ONECUT3: variants seen among roughly 807,000 people sequenced by gnomAD.
ONECUT3 encodes one cut homeobox 3.
Under a neutral mutation model 16.8 loss-of-function variants are expected in ONECUT3, and 11 were observed. The observed-to-expected ratio is 0.66, with a 90% CI of 0.41 to 1.09. The LOEUF (loss-of-function observed/expected upper bound fraction) is 1.09. Ranked by LOEUF, ONECUT3 falls within the 50% of genes least tolerant of loss-of-function variation. The pLI, the probability that ONECUT3 is intolerant of heterozygous loss-of-function variation, is 0.00. For missense variants in ONECUT3, 637 were observed against 629.9 expected, an observed-to-expected ratio of 1.01 and a Z score of -0.12; for synonymous variants, 344 against 310.7, an observed-to-expected ratio of 1.11 and a Z score of -1.13.
chr19:1,778,866 T>TCA lies in ONECUT3; in HGVS notation c.*3467_*3468dup, dbSNP rs60843841. 7,624 of 132,354 alleles carry TCA rather than the reference T, an allele frequency of 0.058. 257 individuals carry two copies. The highest frequency in any genetic ancestry group is 0.095 in the Middle Eastern group (25 of 264). 8.2% of individuals were successfully genotyped at this position (132,354 alleles called of 1,614,324 possible). On this transcript the variant is annotated 3_prime_UTR_variant, in exon 2 of 2. Coordinates refer to ENST00000382349, the MANE Select transcript of ONECUT3 (RefSeq NM_001080488.2). ...TGGATCCTTTTCAGATATCTTCGTATCACACACACACACACACACACACAC... is the reference window on the plus strand; with the variant it reads ...TGGATCCTTTTCAGATATCTTCGTATCACACACACACACACACACACACACAC...
intron 1 of ONECUT3, among the ~76,000 whole-genome samples, chr19:1,765,136 G>A (rs542096015): frequency 3.3e-5 from 5 of 152,224 alleles, no homozygotes; most frequent in South Asian, 2.1e-4. Flanking sequence ...ATCCTGGGGC[G>A]TCTTCTTCTC....
rs1207338003 is a variant in ONECUT3, at chr19:1,775,382, T to C, written c.1422T>C (p.Ala474=). The C allele has an allele frequency of 1.3e-6, 2 of 1,508,362 alleles. No homozygotes were observed. The highest frequency in any genetic ancestry group is 8.9e-7 in the Non-Finnish European group (1 of 1,125,600). 93.4% of individuals were successfully genotyped at this position (1,508,362 alleles called of 1,614,324 possible). Residue 474 remains alanine, a synonymous_variant, in exon 2 of 2, where the codon GCT becomes GCC. Coordinates refer to ENST00000382349, the MANE Select transcript of ONECUT3 (RefSeq NM_001080488.2). ...NARRRCMNRW[A]EEPSTAPGGP... ...GGCGCCGCTGCATGAACCGCTGGGC[T>C]GAGGAGCCCAGCACGGCCCCCGGGG...
rs2067951153 is a variant in ONECUT3, at chr19:1,762,442, A to G, written c.1192+7588A>G. On this transcript the variant is annotated intron_variant, in intron 1 of 1. Coordinates refer to ENST00000382349, the MANE Select transcript of ONECUT3 (RefSeq NM_001080488.2). The surrounding 1 kb of genome is among the most constrained non-coding windows in gnomAD (Gnocchi z 4.4). ...ATTTCCAAGCGCCCTTTCCCGTCCAAGGACCTGCTGGGGGGATGACTGTGC... is the reference window on the plus strand; with the variant it reads ...ATTTCCAAGCGCCCTTTCCCGTCCAGGGACCTGCTGGGGGGATGACTGTGC... Among the ~76,000 whole-genome samples, 1 of 152,240 alleles carries G rather than the reference A, an allele frequency of 6.6e-6. No homozygotes were observed. Among genetic ancestry groups the G allele is most frequent in the African/African-American group, 2.4e-5 (1 of 41,456 alleles).
At position 1,764,904 on chromosome 19, in the gene ONECUT3, G is replaced by A. The variant is rs914149025; in HGVS notation, c.1192+10050G>A. On this transcript the variant is annotated intron_variant, in intron 1 of 1. Coordinates refer to ENST00000382349, the MANE Select transcript of ONECUT3 (RefSeq NM_001080488.2). This position sits in a 1 kb window ranked among gnomAD's most constrained non-coding sequence, Gnocchi z 5.0. ...GCTGGTGGCGGGGACAGGACGCGTCGCCAAGGAAACCGGTCATCATCCCAG... is the reference window on the plus strand; with the variant it reads ...GCTGGTGGCGGGGACAGGACGCGTCACCAAGGAAACCGGTCATCATCCCAG... Among the ~76,000 whole-genome samples the A allele has an allele frequency of 4.3e-4, 65 of 152,012 alleles. No individual in the cohort carries two copies. The highest frequency in any genetic ancestry group is 7.1e-4 in the Non-Finnish European group (48 of 67,974).
intron 1 of ONECUT3, among the ~76,000 whole-genome samples, chr19:1,757,916 CG>C (rs920975171): frequency 5.3e-5 from 8 of 152,222 alleles, no homozygotes; most frequent in South Asian, 2.1e-4. Context: ...GAGGACTCGC[CG>C]CCCTTTCTAC....
At chr19:1,769,504 TCA>T (rs1401755953) in intron 1 of ONECUT3, among the ~76,000 whole-genome samples, 1 of 152,034 alleles carries the variant, frequency 6.6e-6, no homozygotes, top group Non-Finnish European at 1.5e-5. Flanking sequence ...TCTCCAAGTC[TCA>T]GTTTTCACTT....
In ONECUT3 at chr19:1,759,500, G is replaced by A. The variant is rs2145958362; in HGVS notation, c.1192+4646G>A. On this transcript the variant is annotated intron_variant, in intron 1 of 1. Coordinates refer to ENST00000382349, the MANE Select transcript of ONECUT3 (RefSeq NM_001080488.2). The surrounding 1 kb of genome is among the most constrained non-coding windows in gnomAD (Gnocchi z 4.1). ...CAGGGAGAGGAGGAGGAGGAGGAGA[G>A]GGAAGGGAGGGAAGGAAGGGGAGAG... is the stretch of plus-strand genomic sequence containing the variant. 6.6e-6 allele frequency among the ~76,000 whole-genome samples: 1 copy of A among 152,068 alleles called. No individual in the cohort carries two copies. Among genetic ancestry groups the A allele is most frequent in the Non-Finnish European group, 1.5e-5 (1 of 67,974 alleles).
At chr19:1,767,553 C>T (rs1196694293) in intron 1 of ONECUT3, among the ~76,000 whole-genome samples, 1 of 152,196 alleles carries the variant, frequency 6.6e-6, no homozygotes, top group Non-Finnish European at 1.5e-5. Context: ...CAGTCCAGCC[C>T]CCTTTCCCCC....
rs1441314040 is a variant in ONECUT3, at chr19:1,762,426, C to A, written c.1192+7572C>A. ...CAGCAGGGGTCCACGCATTTCCAAGCGCCCTTTCCCGTCCAAGGACCTGCT... is the reference window on the plus strand; with the variant it reads ...CAGCAGGGGTCCACGCATTTCCAAGAGCCCTTTCCCGTCCAAGGACCTGCT... On this transcript the variant is annotated intron_variant, in intron 1 of 1. Coordinates refer to ENST00000382349, the MANE Select transcript of ONECUT3 (RefSeq NM_001080488.2). The surrounding 1 kb of genome is among the most constrained non-coding windows in gnomAD (Gnocchi z 4.4). 1.3e-5 allele frequency among the ~76,000 whole-genome samples: 2 copies of A among 152,246 alleles called. No homozygotes were observed. Among genetic ancestry groups the A allele is most frequent in the African/African-American group, 4.8e-5 (2 of 41,460 alleles).
At position 1,780,679 on chromosome 19, in the gene ONECUT3, G is replaced by A. The variant is rs1465454019; in HGVS notation, c.*5234G>A. 6.6e-6 allele frequency: 1 copy of A among 152,222 alleles called. No individual in the cohort carries two copies. Among genetic ancestry groups the A allele is most frequent in the East Asian group, 1.9e-4 (1 of 5,190 alleles). The allele number at this position is 152,222 out of a possible 1,614,324, so 9.4% of individuals were successfully genotyped here. On this transcript the variant is annotated 3_prime_UTR_variant, in exon 2 of 2. Coordinates refer to ENST00000382349, the MANE Select transcript of ONECUT3 (RefSeq NM_001080488.2). The stretch of plus-strand genomic sequence containing the variant: ...GCTCCTTGCACCAGCAGGAGCTTGG[G>A]CCATTTCACATTCTCTGCCCCAAGC...
At chr19:1,769,035 TG>T in intron 1 of ONECUT3, among the ~76,000 whole-genome samples, 1 of 29,594 alleles carries the variant, frequency 3.4e-5, no homozygotes. Flanking sequence ...GAGGTGGAGG[TG>T]ACGGTGGAGG....
rs1044580096 is a variant in ONECUT3 at position 1,777,673 on chromosome 19, G to A, written c.*2228G>A. On this transcript the variant is annotated 3_prime_UTR_variant, in exon 2 of 2. Transcript: ENST00000382349. ...GTAGCCTATGGGCCCAGCAGGTCCA[G>A]GGCCCACGTTTTAATTTCTTTTTAA... 6.6e-6 allele frequency: 1 copy of A among 152,178 alleles called. No individual in the cohort carries two copies. The highest frequency in any genetic ancestry group is 6.5e-5 in the Admixed American group (1 of 15,284). 9.4% of individuals were successfully genotyped at this position (152,178 alleles called of 1,614,324 possible).
chr19:1,770,804 G>C (rs1340452614), intron 1 of ONECUT3, among the ~76,000 whole-genome samples: 1 of 152,172 alleles, frequency 6.6e-6, no homozygotes, highest in Non-Finnish European at 1.5e-5. Flanking sequence ...TCTTTATGCA[G>C]ATAAAATATA....
In ONECUT3 at chr19:1,779,648, TG is replaced by T. The variant is rs2068140181; in HGVS notation, c.*4204del. ...GGTGCATGACTAATGTACTCTTTCT[TG>T]ACGCTAATTGTAATAAAGTGGTCAG... On this transcript the variant is annotated 3_prime_UTR_variant, in exon 2 of 2. Transcript: ENST00000382349. 1 of 134,090 alleles carries T rather than the reference TG, an allele frequency of 7.5e-6. No individual in the cohort carries two copies. Among genetic ancestry groups the T allele is most frequent in the South Asian group, 2.6e-4 (1 of 3,912 alleles). 8.3% of individuals were successfully genotyped at this position (134,090 alleles called of 1,614,324 possible).
At position 1,778,910 on chromosome 19, in the gene ONECUT3, A is replaced by ACACACACACACACACACACC. The variant is rs1568606224; in HGVS notation, c.*3468_*3469insACACACACACACACACCCAC. 1 of 127,286 alleles carries ACACACACACACACACACACC rather than the reference A, an allele frequency of 7.9e-6. No individual in the cohort carries two copies. The highest frequency in any genetic ancestry group is 3.1e-5 in the African/African-American group (1 of 32,600). The allele number at this position is 127,286 out of a possible 1,614,324, so 7.9% of individuals were successfully genotyped here. On this transcript the variant is annotated 3_prime_UTR_variant, in exon 2 of 2. Coordinates refer to ENST00000382349, the MANE Select transcript of ONECUT3 (RefSeq NM_001080488.2). ...CACACACACACACACACACACACACACACCCCTACCTGTTTCCGGACCCCA... is the reference window on the plus strand; with the variant it reads ...CACACACACACACACACACACACACACACACACACACACACACACCCACCCCTACCTGTTTCCGGACCCCA...
Position 1,775,201 on chromosome 19 carries a change from C to G in ONECUT3, c.1241C>G (p.Pro414Arg), listed in dbSNP as rs1161326055. The G allele has an allele frequency of 1.3e-6, 2 of 1,556,348 alleles. No individual in the cohort carries two copies. Among genetic ancestry groups the G allele is most frequent in the East Asian group, 2.5e-5 (1 of 40,478 alleles). Reference protein sequence around the residue: ...QEQQKERALQPKKQRLVFTDL... With the variant: ...QEQQKERALQRKKQRLVFTDL... ...CAGCAGAAGGAGCGCGCCCTGCAGC[C>G]CAAGAAGCAGCGCCTGGTGTTCACC... The change falls in exon 2 of 2, where the codon CCC becomes CGC. Residue 414 changes from proline (P) to arginine (R), a missense_variant. Pro to Arg is a moderately radical substitution (Grantham distance 103, BLOSUM62 -2). Coordinates refer to ENST00000382349, the MANE Select transcript of ONECUT3 (RefSeq NM_001080488.2).
chr19:1,777,181 G>C lies in ONECUT3; in HGVS notation c.*1736G>C, dbSNP rs757871503. 3.3e-5 allele frequency: 5 copies of C among 152,352 alleles called. No individual in the cohort carries two copies. Among genetic ancestry groups the C allele is most frequent in the Non-Finnish European group, 5.9e-5 (4 of 68,134 alleles). The allele number at this position is 152,352 out of a possible 1,614,324, so 9.4% of individuals were successfully genotyped here. ...CTGCTCCCAGCTTTCCAAGCGACCG[G>C]ATCTGAGTGATGCTTCTAGAACATT... On this transcript the variant is annotated 3_prime_UTR_variant, in exon 2 of 2. Coordinates refer to ENST00000382349, the MANE Select transcript of ONECUT3 (RefSeq NM_001080488.2).
rs1266458656 is a variant in ONECUT3, at chr19:1,778,885, C to CACACAT, written c.*3445_*3446insTACACA. 4 of 149,910 alleles carry CACACAT rather than the reference C, an allele frequency of 2.7e-5. No homozygotes were observed. Among genetic ancestry groups the CACACAT allele is most frequent in the African/African-American group, 9.9e-5 (4 of 40,334 alleles). 9.3% of individuals were successfully genotyped at this position (149,910 alleles called of 1,614,324 possible). ...TTCGTATCACACACACACACACACA[C>CACACAT]ACACACACACACACACACACACACA... On this transcript the variant is annotated 3_prime_UTR_variant, in exon 2 of 2. Transcript: ENST00000382349.
intron 1 of ONECUT3, among the ~76,000 whole-genome samples, chr19:1,769,605 T>G (rs2068034785): frequency 6.0e-5 from 8 of 133,986 alleles, no homozygotes; most frequent in Admixed American, 1.5e-4. Flanking sequence ...TGATGTTGGG[T>G]GGGGTGCTGG....
Sources: gnomAD v4.1 joint callset for allele counts (sites outside exome capture counted in the v4.1 genomes callset) on GRCh38, gnomAD v4.1.1 for gene constraint, Gnocchi (gnomAD v3.1) non-coding constraint, MANE v1.5 for transcripts, NCBI Gene and HGNC (gene_info 2026-07-23, HGNC 2026-07-21) for gene names.